RASSF3: variants seen among roughly 807,000 people sequenced by gnomAD.
RASSF3 encodes Ras association domain family member 3.
In RASSF3, 19 loss-of-function variants were observed where a neutral mutation model predicts 19.9. The observed-to-expected ratio is 0.96, with a 90% CI of 0.67 to 1.40. The LOEUF (loss-of-function observed/expected upper bound fraction) is 1.40. RASSF3 is among the 40% of genes most tolerant of loss of function. RASSF3 has a pLI of 0.00. For missense variants in RASSF3, 306 were observed against 289.8 expected (o/e 1.06, Z -0.41); for synonymous variants, 110 against 104.2 (o/e 1.06, Z -0.34).
intron 1 of RASSF3, among the ~76,000 whole-genome samples, chr12:64,630,465 G>A (rs1871136561): frequency 6.6e-6 from 1 of 152,172 alleles, no homozygotes; most frequent in Admixed American, 6.5e-5. Context: ...GTTTGAGGCT[G>A]CAGTGAGCTA....
intron 1 of RASSF3, among the ~76,000 whole-genome samples, chr12:64,523,536 G>A (rs1049659287): frequency 5.8e-4 from 89 of 152,264 alleles, no homozygotes; most frequent in African/African-American, 2.1e-3. Context: ...CCTTCAGTGG[G>A]AGCTCTCTGT....
intron 1 of RASSF3, among the ~76,000 whole-genome samples, chr12:64,523,607 C>T (rs1011904075): frequency 6.6e-6 from 1 of 152,074 alleles, no homozygotes; most frequent in East Asian, 1.9e-4. Flanking sequence ...GACCAGAAAC[C>T]AGGACTCTTT....
At chr12:64,620,193 A>G (rs1040507827) in intron 1 of RASSF3, among the ~76,000 whole-genome samples, 6 of 152,018 alleles carry the variant, frequency 3.9e-5, no homozygotes, top group African/African-American at 1.4e-4. Context: ...TTTGTGTAGT[A>G]ATTGTTTTTT....
chr12:64,679,347 C>T (rs560403687), intron 1 of RASSF3, among the ~76,000 whole-genome samples: 40 of 152,252 alleles, frequency 2.6e-4, no homozygotes, highest in Non-Finnish European at 5.1e-4. Context: ...GCGTGAGCCA[C>T]CGCTCCCAGC....
chr12:64,597,111 A>G (rs1870010198), intron 2 of RASSF3, among the ~76,000 whole-genome samples: 1 of 151,448 alleles, frequency 6.6e-6, no homozygotes, highest in Admixed American at 6.6e-5. Context: ...ATATCTGGTC[A>G]ATTTTTCTCC....
rs143226265 is a variant in RASSF3 at position 64,588,969 on chromosome 12, G to A, written c.294+47264G>A. 5.3e-5 allele frequency among the ~76,000 whole-genome samples: 8 copies of A among 152,048 alleles called. No homozygotes were observed. In the South Asian group the frequency reaches 1.2e-3, roughly 24 times the overall value. ...TCTTCTAATTCCTATAATTTTTCACGTGACTTCTTTTTGTTTCTGATTCGC... is the reference window on the plus strand; with the variant it reads ...TCTTCTAATTCCTATAATTTTTCACATGACTTCTTTTTGTTTCTGATTCGC... On this transcript the variant is annotated intron_variant, in intron 2 of 5. Coordinates refer to the RASSF3 transcript ENST00000637125.
upstream of RASSF3, among the ~76,000 whole-genome samples, chr12:64,532,019 A>AG (rs1205872166): frequency 6.6e-6 from 1 of 152,226 alleles, no homozygotes; most frequent in Non-Finnish European, 1.5e-5. Context: ...GGTTTCACCA[A>AG]GGGGTAAAAA....
chr12:64,555,629 G>A lies in RASSF3; in HGVS notation c.294+13924G>A, dbSNP rs532760908. Reference sequence around the variant, plus strand: ...CAAGGTATGGTGGCGGGCGCTTATAGTCCCAGCTACTCGGGAGGCTGAGGC... The same window carrying A: ...CAAGGTATGGTGGCGGGCGCTTATAATCCCAGCTACTCGGGAGGCTGAGGC... On this transcript the variant is annotated intron_variant, in intron 2 of 5. Coordinates refer to the RASSF3 transcript ENST00000637125. Among the ~76,000 whole-genome samples, 113 of 151,816 alleles carry A rather than the reference G, an allele frequency of 7.4e-4. 1 individual carries two copies. The highest frequency in any genetic ancestry group is 2.4e-3 in the African/African-American group (101 of 41,412).
chr12:64,554,502 G>A (rs902721553), intron 2 of RASSF3, among the ~76,000 whole-genome samples: 12 of 152,018 alleles, frequency 7.9e-5, no homozygotes, highest in African/African-American at 2.7e-4. Context: ...ACAGGGTTTC[G>A]CCATGTTGGC....
chr12:64,608,162 C>T (rs1331438980), upstream of RASSF3, among the ~76,000 whole-genome samples: 1 of 152,062 alleles, frequency 6.6e-6, no homozygotes, highest in Non-Finnish European at 1.5e-5. Context: ...TCAAGTGATC[C>T]TCCACCTCAG....
chr12:64,671,051 T>C (rs1271587185), intron 1 of RASSF3, among the ~76,000 whole-genome samples: 4 of 152,038 alleles, frequency 2.6e-5, no homozygotes, highest in African/African-American at 9.7e-5. Flanking sequence ...TGGCATGGTG[T>C]CTGGAATGGG....
chr12:64,660,062 A>ATGTG (rs1555214887), intron 1 of RASSF3, among the ~76,000 whole-genome samples: 46 of 149,502 alleles, frequency 3.1e-4, no homozygotes, highest in Non-Finnish European at 5.3e-4. Context: ...GTATATATAT[A>ATGTG]TGTGTGTGTG....
intron 1 of RASSF3, among the ~76,000 whole-genome samples, chr12:64,641,382 T>C (rs1191720994): frequency 4.4e-5 from 5 of 113,410 alleles, no homozygotes; most frequent in Admixed American, 3.3e-4. Flanking sequence ...GGTGACAGAG[T>C]GAGACCCTGT....
At chr12:64,517,568 G>A (rs1868389313) in intron 1 of RASSF3, among the ~76,000 whole-genome samples, 1 of 151,848 alleles carries the variant, frequency 6.6e-6, no homozygotes, top group South Asian at 2.1e-4. Flanking sequence ...TAAGTATGAT[G>A]CCACTTCCAC....
In RASSF3 at chr12:64,695,416, T is replaced by G; in HGVS notation, c.*504T>G. The G allele has an allele frequency of 1.3e-5, 2 of 152,634 alleles. 1 individual carries two copies. The highest frequency in any genetic ancestry group is 2.9e-5 in the Non-Finnish European group (2 of 68,260). 9.5% of individuals were successfully genotyped at this position (152,634 alleles called of 1,614,324 possible). On this transcript the variant is annotated 3_prime_UTR_variant, in exon 5 of 5. Coordinates refer to ENST00000542104, the MANE Select transcript of RASSF3 (RefSeq NM_178169.4). Reference sequence around the variant, plus strand: ...GAAAGGCACAGGAATCTAGGAACTCTGAGGAATTTATTGTGAAGGATTTTG... The same window carrying G: ...GAAAGGCACAGGAATCTAGGAACTCGGAGGAATTTATTGTGAAGGATTTTG...
intron 1 of RASSF3, among the ~76,000 whole-genome samples, chr12:64,615,927 G>A (rs1266078696): frequency 1.3e-5 from 2 of 151,992 alleles, no homozygotes; most frequent in Non-Finnish European, 2.9e-5. Context: ...CACCCACCTC[G>A]GCCTCCCACA....
At chr12:64,659,158 C>G (rs1394905589) in intron 1 of RASSF3, among the ~76,000 whole-genome samples, 2 of 152,116 alleles carry the variant, frequency 1.3e-5, no homozygotes, top group Admixed American at 6.5e-5. Context: ...ATGGTCCTGC[C>G]TGTGTTTTTA....
chr12:64,527,169 G>T (rs745968443), intron 1 of RASSF3, among the ~76,000 whole-genome samples: 1 of 152,134 alleles, frequency 6.6e-6, no homozygotes, highest in Non-Finnish European at 1.5e-5. Flanking sequence ...CTGCTGAATT[G>T]CAGAATCCTA....
At chr12:64,578,866 T>C (rs1869639666) in intron 2 of RASSF3, among the ~76,000 whole-genome samples, 1 of 152,090 alleles carries the variant, frequency 6.6e-6, no homozygotes, top group African/African-American at 2.4e-5. Flanking sequence ...CCTTTTTGGC[T>C]GGGCATGGTG....
Sources: allele counts gnomAD v4.1 joint callset (sites outside exome capture counted in the v4.1 genomes callset), GRCh38; gene constraint gnomAD v4.1.1; transcripts MANE v1.5; gene names NCBI Gene and HGNC (gene_info 2026-07-23, HGNC 2026-07-21).